The following RFTN2 variants were observed in gnomAD, a reference collection of about 807,000 sequenced individuals.
RFTN2 encodes raftlin family member 2.
Under a neutral mutation model 52.7 loss-of-function variants are expected in RFTN2, and 34 were observed. The observed-to-expected ratio is 0.64, with a 90% CI of 0.49 to 0.86. The LOEUF (loss-of-function observed/expected upper bound fraction) is 0.86. Among genes scored for constraint, RFTN2 ranks in the 40% least tolerant of loss-of-function variants. The pLI is 0.00. For synonymous variants in RFTN2, 203 were observed against 217.7 expected (o/e 0.93, Z 0.59); for missense variants, 536 against 600.1 (o/e 0.89, Z 1.12).
At position 197,631,106 on chromosome 2, in the gene RFTN2, C is replaced by G. The variant is rs1425125417; in HGVS notation, c.833G>C (p.Ser278Thr). 3.1e-6 allele frequency: 5 copies of G among 1,613,306 alleles called. No homozygotes were observed. The South Asian group carries it at 4.4e-5, about 14-fold the overall frequency. Reference protein sequence around the residue: ...MKVTRKGSVISTLDADWLELT... With the variant: ...MKVTRKGSVITTLDADWLELT... Reference sequence around the variant, plus strand: ...CTCCAGCCAATCAGCATCAAGTGTACTAATGACTGATCCTTTTCTTGTTAC... The same window carrying G: ...CTCCAGCCAATCAGCATCAAGTGTAGTAATGACTGATCCTTTTCTTGTTAC... Residue 278 changes from serine (S) to threonine (T), a missense_variant, in exon 5 of 9, where the codon AGT becomes ACT. Physicochemically the swap from Ser to Thr is moderately conservative, Grantham distance 58. Transcript: ENST00000295049.
At chr2:197,670,040 A>G (rs537045602) in intron 1 of RFTN2, among the ~76,000 whole-genome samples, 1 of 152,272 alleles carries the variant, frequency 6.6e-6, no homozygotes, top group African/African-American at 2.4e-5. Context: ...TCTTCACTCA[A>G]TATTATGCTT....
chr2:197,634,630 C>T (rs1259732160), intron 3 of RFTN2, among the ~76,000 whole-genome samples: 2 of 151,832 alleles, frequency 1.3e-5, no homozygotes, highest in Non-Finnish European at 2.9e-5. Flanking sequence ...GAATAGGATT[C>T]TGAAGCACAT....
chr2:197,596,408 T>C (rs1042323562), intron 7 of RFTN2, among the ~76,000 whole-genome samples: 2 of 152,200 alleles, frequency 1.3e-5, no homozygotes, highest in Admixed American at 1.3e-4. Context: ...TTGTGTAATT[T>C]GCATGTCTGT....
At chr2:197,598,039 A>C (rs2087820096) in intron 7 of RFTN2, among the ~76,000 whole-genome samples, 1 of 152,136 alleles carries the variant, frequency 6.6e-6, no homozygotes, top group Non-Finnish European at 1.5e-5. Context: ...GGACAGCAGG[A>C]CATGGTGGTT....
At chr2:197,628,116 C>T (rs1377219928) in intron 5 of RFTN2, among the ~76,000 whole-genome samples, 1 of 152,032 alleles carries the variant, frequency 6.6e-6, no homozygotes, top group East Asian at 1.9e-4. Context: ...AACAAAGCGA[C>T]CAATTCAGCC....
At chr2:197,580,920 G>A (rs1320449915) in intron 8 of RFTN2, among the ~76,000 whole-genome samples, 1 of 151,864 alleles carries the variant, frequency 6.6e-6, no homozygotes, top group Admixed American at 6.6e-5. Flanking sequence ...ACTATTCCTG[G>A]ACCACAGCCA....
rs577633160 is a variant in RFTN2, at chr2:197,575,753, A to T, written c.1234-3473T>A. ...CAGGTCATATATGTATATAAAATAT[A>T]TTTTTTATATATATAATATATATTC... On this transcript the variant is annotated intron_variant, in intron 8 of 8. Coordinates refer to ENST00000295049, the MANE Select transcript of RFTN2 (RefSeq NM_144629.3). Among the ~76,000 whole-genome samples the T allele has an allele frequency of 2.8e-3, 401 of 143,730 alleles. 4 individuals are homozygous for T. Among genetic ancestry groups the T allele is most frequent in the African/African-American group, 9.5e-3 (375 of 39,540 alleles). The allele number at this position is 143,730 out of a possible 152,430, so 94.3% of individuals were successfully genotyped here.
chr2:197,673,378 C>T (rs909387588), intron 1 of RFTN2, among the ~76,000 whole-genome samples: 12 of 152,036 alleles, frequency 7.9e-5, no homozygotes, highest in Admixed American at 5.9e-4. Flanking sequence ...AGGTAGTTTG[C>T]GGAGTTGGGC....
intron 7 of RFTN2, among the ~76,000 whole-genome samples, chr2:197,605,508 C>G (rs1001693461): frequency 5.9e-5 from 9 of 152,138 alleles, no homozygotes; most frequent in Admixed American, 5.2e-4. Flanking sequence ...AGCCACCGCG[C>G]CTGGCCGAAT....
At chr2:197,662,403 CT>C (rs1181984789) in intron 1 of RFTN2, among the ~76,000 whole-genome samples, 1 of 152,036 alleles carries the variant, frequency 6.6e-6, no homozygotes, top group African/African-American at 2.4e-5. Flanking sequence ...GCTCTTGACA[CT>C]TTTTTTGAAA....
At chr2:197,599,681 T>C (rs1191096286) in intron 7 of RFTN2, among the ~76,000 whole-genome samples, 1 of 152,112 alleles carries the variant, frequency 6.6e-6, no homozygotes, top group African/African-American at 2.4e-5. Context: ...CTGCCAGCGT[T>C]CTACTTGATA....
intron 5 of RFTN2, among the ~76,000 whole-genome samples, chr2:197,623,407 A>G (rs2088300488): frequency 6.6e-6 from 1 of 152,254 alleles, no homozygotes; most frequent in Admixed American, 6.5e-5. Flanking sequence ...AAATTGCTGC[A>G]ATCTCGTAGT....
chr2:197,637,154 G>A (rs2088581227), intron 3 of RFTN2, among the ~76,000 whole-genome samples: 1 of 150,156 alleles, frequency 6.7e-6, no homozygotes, highest in African/African-American at 2.4e-5. Context: ...GTATTTTATT[G>A]AGGATTTTTG....
chr2:197,569,907 G>GT lies in RFTN2; in HGVS notation c.*2100dup, dbSNP rs940667474. On this transcript the variant is annotated 3_prime_UTR_variant, in exon 9 of 9. Transcript: ENST00000295049. Reference sequence around the variant, plus strand: ...GCAGTAAGCCGAGATTGCAGCCTGGGTGACAGAGTGAGGCTCTGTCTCAAA... The same window carrying GT: ...GCAGTAAGCCGAGATTGCAGCCTGGGTTGACAGAGTGAGGCTCTGTCTCAAA... 7.6e-6 allele frequency: 1 copy of GT among 132,204 alleles called. No individual in the cohort carries two copies. Among genetic ancestry groups the GT allele is most frequent in the African/African-American group, 2.9e-5 (1 of 34,572 alleles). The allele number at this position is 132,204 out of a possible 1,614,324, so 8.2% of individuals were successfully genotyped here.
chr2:197,656,156 G>A (rs542203000), intron 1 of RFTN2, among the ~76,000 whole-genome samples: 34 of 152,190 alleles, frequency 2.2e-4, no homozygotes, highest in African/African-American at 6.7e-4. Flanking sequence ...TCTGTGTGCC[G>A]TAGTTTCCTC....
chr2:197,653,044 T>C (rs1198006307), intron 1 of RFTN2, among the ~76,000 whole-genome samples: 3 of 152,206 alleles, frequency 2.0e-5, no homozygotes, highest in African/African-American at 7.2e-5. Flanking sequence ...TTAGCATTAA[T>C]AACTATCCAA....
At chr2:197,658,989 CTT>C (rs1327439367) in intron 1 of RFTN2, among the ~76,000 whole-genome samples, 3 of 152,056 alleles carry the variant, frequency 2.0e-5, no homozygotes, top group Non-Finnish European at 4.4e-5. Flanking sequence ...ACTTTATGCT[CTT>C]TTGCTTAAAA....
At chr2:197,596,122 T>C in intron 7 of RFTN2, 53 bp from the exon 8 acceptor site, 1 of 1,080,180 alleles carries the variant, frequency 9.3e-7, no homozygotes, top group African/African-American at 1.6e-5. Context: ...TTCTCTATAT[T>C]TCATAATTGG....
chr2:197,589,645 C>A (rs997498996), intron 8 of RFTN2, among the ~76,000 whole-genome samples: 3 of 152,182 alleles, frequency 2.0e-5, no homozygotes, highest in Non-Finnish European at 4.4e-5. Context: ...ATTTACTTCT[C>A]ATTTACATAT....
Sources: gnomAD v4.1 joint callset for allele counts (sites outside exome capture counted in the v4.1 genomes callset) on GRCh38, gnomAD v4.1.1 for gene constraint, MANE v1.5 for transcripts, NCBI Gene and HGNC (gene_info 2026-07-23, HGNC 2026-07-21) for gene names.